Variants in UGT2B15 observed in about 807,000 individuals in gnomAD.
The protein encoded by UGT2B15 is UDP glucuronosyltransferase family 2 member B15.
A neutral mutation model predicts 45.9 loss-of-function variants in UGT2B15; 36 were observed. That is an observed-to-expected ratio of 0.78 (90% CI 0.60 to 1.04). UGT2B15 has a LOEUF of 1.04. Ranked by LOEUF, UGT2B15 falls within the 50% of genes least tolerant of loss-of-function variation. UGT2B15 has a pLI of 0.00. For missense variants in UGT2B15, 617 were observed against 622.4 expected, an observed-to-expected ratio of 0.99 and a Z score of 0.09; for synonymous variants, 219 against 216.4, an observed-to-expected ratio of 1.01 and a Z score of -0.11.
Position 68,669,929 on chromosome 4 carries a change from C to G in UGT2B15, c.690G>C (p.Leu230=). 6.2e-7 allele frequency: 1 copy of G among 1,612,908 alleles called. No individual in the cohort carries two copies. Among genetic ancestry groups the G allele is most frequent in the Non-Finnish European group, 8.5e-7 (1 of 1,179,740 alleles). The change falls in exon 1 of 6, where the codon CTG becomes CTC. Residue 230 remains leucine (L), a synonymous_variant. Transcript: ENST00000338206. ...CACTATAAAACTGGTCCCACTTCTT[C>G]AGATCATAAATTTGAAACCAAAAGT... ...YFDFWFQIYD[L]KKWDQFYSEV... is the part of the protein sequence containing the mutation.
intron 3 of UGT2B15, among the ~76,000 whole-genome samples, chr4:68,657,688 A>G (rs1732848785): frequency 6.6e-6 from 1 of 152,116 alleles, no homozygotes; most frequent in African/African-American, 2.4e-5. Flanking sequence ...CCTGCAAGCT[A>G]TAGAGTTCCT....
intron 2 of UGT2B15, among the ~76,000 whole-genome samples, chr4:68,664,260 T>C (rs1733052060): frequency 1.4e-5 from 1 of 72,312 alleles, no homozygotes; most frequent in African/African-American, 4.1e-5. Context: ...CAATGTATTC[T>C]CACACCAAAA....
intron 3 of UGT2B15, among the ~76,000 whole-genome samples, chr4:68,659,550 G>C (rs2109828513): frequency 6.6e-6 from 1 of 152,026 alleles, no homozygotes; most frequent in South Asian, 2.1e-4. Flanking sequence ...ATGACTTAGT[G>C]TGTACGTTAT....
intron 3 of UGT2B15, among the ~76,000 whole-genome samples, chr4:68,655,692 T>C (rs75435625): frequency 0.94 from 142,551 of 152,082 alleles, 67,237 homozygotes; most frequent in East Asian, 1. Context: ...TCTAGCTGTC[T>C]CCCATTTCTG....
At chr4:68,655,879 C>T (rs992225588) in intron 3 of UGT2B15, among the ~76,000 whole-genome samples, 5 of 152,068 alleles carry the variant, frequency 3.3e-5, no homozygotes, top group African/African-American at 1.2e-4. Flanking sequence ...TATCTGAGAA[C>T]TGTCTCATAT....
chr4:68,653,960 A>C, intron 5 of UGT2B15, 77 bp downstream of exon 5: 4 of 1,566,860 alleles, frequency 2.6e-6, no homozygotes, highest in African/African-American at 1.4e-5. Context: ...AGTCTCTTAA[A>C]AACGGGTTAA....
chr4:68,669,863 C>A (rs751411220), intron 1 of UGT2B15, 32 bp downstream of exon 1: 2 of 1,563,908 alleles, frequency 1.3e-6, no homozygotes, highest in East Asian at 2.2e-5. Context: ...AAAGTTAGAA[C>A]TTAATAAGCA....
chr4:68,667,652 A>G (rs1282739029), intron 2 of UGT2B15, among the ~76,000 whole-genome samples: 6 of 152,122 alleles, frequency 3.9e-5, no homozygotes, highest in Non-Finnish European at 5.9e-5. Flanking sequence ...TTTTTATTCT[A>G]TCTTTCAAAG....
rs143587346 is a variant in UGT2B15, at chr4:68,646,847, G to A, written c.*257C>T. ...GTTGGCGTGCTGCATCCAGTAACTC[G>A]TCATTTAACATTAGGTATATCTCCA... On this transcript the variant is annotated 3_prime_UTR_variant, in exon 6 of 6. Coordinates refer to ENST00000338206, the MANE Select transcript of UGT2B15 (RefSeq NM_001076.4). 8.4e-4 allele frequency: 398 copies of A among 476,010 alleles called. 3 individuals are homozygous for A. Among genetic ancestry groups the A allele is most frequent in the South Asian group, 3.0e-3 (90 of 30,056 alleles). The allele number at this position is 476,010 out of a possible 1,614,324, so 29.5% of individuals were successfully genotyped here. A position where few individuals can be genotyped will look rare whatever the true frequency, so the allele number is the denominator to read the frequency against.
At chr4:68,650,224 GC>G (rs1426265346) in intron 5 of UGT2B15, among the ~76,000 whole-genome samples, 1 of 151,904 alleles carries the variant, frequency 6.6e-6, no homozygotes, top group Non-Finnish European at 1.5e-5. Context: ...GTATATACGT[GC>G]CATGGTGGTT....
intron 3 of UGT2B15, among the ~76,000 whole-genome samples, chr4:68,659,977 G>A (rs1732917649): frequency 6.8e-6 from 1 of 147,422 alleles, no homozygotes; most frequent in South Asian, 2.1e-4. Flanking sequence ...GCTATTAACA[G>A]CTTTTAACAA....
rs374092268 is a variant in UGT2B15 at position 68,654,150 on chromosome 4, T to C, written c.1200A>G (p.Gln400=). 6 of 1,613,544 alleles carry C rather than the reference T, an allele frequency of 3.7e-6. No homozygotes were observed. In the African/African-American group the frequency reaches 5.3e-5, roughly 14 times the overall value. ...PMVGIPLFAD[Q]HDNIAHMKAK... ...CTTTCATGTGAGCAATGTTATCATG[T>C]TGATCCGCAAACAAGGGAATGCCCA... The change falls in exon 5 of 6, where the codon CAA becomes CAG. Residue 400 remains glutamine, a synonymous_variant. Transcript: ENST00000338206.
chr4:68,664,867 C>T (rs1224435501), intron 2 of UGT2B15, among the ~76,000 whole-genome samples: 1 of 151,992 alleles, frequency 6.6e-6, no homozygotes, highest in Non-Finnish European at 1.5e-5. Flanking sequence ...CCTGGCCTGA[C>T]ATCAGTTTTA....
chr4:68,653,512 A>T (rs1732712913), intron 5 of UGT2B15, among the ~76,000 whole-genome samples: 1 of 152,018 alleles, frequency 6.6e-6, no homozygotes, highest in African/African-American at 2.4e-5. Flanking sequence ...ATACATTATG[A>T]GTTTAATTTG....
chr4:68,666,586 T>C (rs1427313061), intron 2 of UGT2B15, among the ~76,000 whole-genome samples: 1 of 151,956 alleles, frequency 6.6e-6, no homozygotes, highest in Non-Finnish European at 1.5e-5. Context: ...AAATGATCTT[T>C]ACATTTTACA....
chr4:68,660,726 C>A (rs1224518724), intron 3 of UGT2B15, among the ~76,000 whole-genome samples: 1 of 151,928 alleles, frequency 6.6e-6, no homozygotes, highest in African/African-American at 2.4e-5. Context: ...GGCGACACGT[C>A]TTCAAAATAG....
At chr4:68,667,160 T>G (rs1052681112) in intron 2 of UGT2B15, among the ~76,000 whole-genome samples, 7 of 151,902 alleles carry the variant, frequency 4.6e-5, no homozygotes, top group South Asian at 2.1e-4. Flanking sequence ...TTTTTTTTTT[T>G]TTGTTTATTT....
At chr4:68,661,499 C>T (rs997112500) in intron 3 of UGT2B15, among the ~76,000 whole-genome samples, 2 of 151,904 alleles carry the variant, frequency 1.3e-5, no homozygotes, top group African/African-American at 4.8e-5. Context: ...ATACTTTATA[C>T]TAGCTGTAAC....
In UGT2B15 at chr4:68,654,184, A is replaced by T. The variant is rs1450139914; in HGVS notation, c.1166T>A (p.Ile389Asn). ...AAACAAGGGAATGCCCACCATAGGG[A>T]TCCCATGGTAGATCGCCTCATAGAT... is the stretch of plus-strand genomic sequence containing the variant. ...NGIYEAIYHG[I>N]PMVGIPLFAD... Residue 389 changes from isoleucine to asparagine, a missense_variant, in exon 5 of 6, where the codon ATC (isoleucine) becomes AAC (asparagine). This residue lies in a region of UGT2B15 where 265 missense variants were observed against 245.1 expected (regional missense o/e 1.08). Transcript: ENST00000338206. The T allele has an allele frequency of 1.2e-6, 2 of 1,613,646 alleles. No individual in the cohort carries two copies. The highest frequency in any genetic ancestry group is 1.7e-6 in the Non-Finnish European group (2 of 1,179,698).
Sources: allele counts gnomAD v4.1 joint callset (sites outside exome capture counted in the v4.1 genomes callset), GRCh38; gene constraint gnomAD v4.1.1; regional missense constraint gnomAD v4.1.1; transcripts MANE v1.5; gene names NCBI Gene and HGNC (gene_info 2026-07-23, HGNC 2026-07-21).